Variants in PHLPP1 observed in about 807,000 individuals in gnomAD.
PHLPP1 encodes PH domain and leucine rich repeat protein phosphatase 1.
PHLPP1 carries 42 observed loss-of-function variants against 117.2 expected under a neutral mutation model. The observed-to-expected ratio is 0.36, with a 90% CI of 0.28 to 0.46. The LOEUF is 0.46. Ranked by LOEUF, PHLPP1 falls within the 20% of genes least tolerant of loss-of-function variation. The pLI, the probability that PHLPP1 is intolerant of heterozygous loss-of-function variation, is 1.00. For missense variants in PHLPP1, 2,084 were observed against 2,241.9 expected, an observed-to-expected ratio of 0.93 and a Z score of 1.42; for synonymous variants, 1,042 against 970.7, an observed-to-expected ratio of 1.07 and a Z score of -1.37.
intron 12 of PHLPP1, among the ~76,000 whole-genome samples, chr18:62,954,385 A>T (rs1215301753): frequency 6.6e-6 from 1 of 152,234 alleles, no homozygotes; most frequent in Non-Finnish European, 1.5e-5. Context: ...AGGTACATAT[A>T]TTAACAATAT....
chr18:62,800,774 G>A (rs891090547), intron 1 of PHLPP1, among the ~76,000 whole-genome samples: 20 of 151,968 alleles, frequency 1.3e-4, no homozygotes, highest in African/African-American at 4.6e-4. Flanking sequence ...GAAGCTATTC[G>A]ATGCTGAGCT....
chr18:62,726,524 G>A (rs905030015), intron 1 of PHLPP1, among the ~76,000 whole-genome samples: 1 of 147,634 alleles, frequency 6.8e-6, no homozygotes, highest in Admixed American at 6.7e-5. Flanking sequence ...AAATTTTCTA[G>A]TACTTGTAGT....
At position 62,716,975 on chromosome 18, in the gene PHLPP1, G is replaced by T; in HGVS notation, c.1292G>T (p.Arg431Leu). Residue 431 changes from arginine (R) to leucine (L), a missense_variant, in exon 1 of 17, where the codon CGC (arginine) becomes CTC (leucine). Transcript: ENST00000262719. This position sits in a 1 kb window ranked among gnomAD's most constrained non-coding sequence, Gnocchi z 5.7. Reference sequence around the variant, plus strand: ...ATTGACAGCCCGGGCGGGGCCGTCCGCGAGGGGTCGTGCGAGGAGAAGGCA... The same window carrying T: ...ATTGACAGCCCGGGCGGGGCCGTCCTCGAGGGGTCGTGCGAGGAGAAGGCA... ...RAIDSPGGAV[R>L]EGSCEEKAAA... The T allele has an allele frequency of 6.5e-7, 1 of 1,540,624 alleles. No individual in the cohort carries two copies. Among genetic ancestry groups the T allele is most frequent in the Non-Finnish European group, 8.7e-7 (1 of 1,146,056 alleles).
At chr18:62,766,060 CA>C (rs1168861892) in intron 1 of PHLPP1, among the ~76,000 whole-genome samples, 1,516 of 15,170 alleles carry the variant, frequency 0.1, 169 homozygotes, top group Non-Finnish European at 0.13. Context: ...GACTCCATCT[CA>C]AAAAAAAAAA....
chr18:62,777,747 G>A (rs1024245039), intron 1 of PHLPP1, among the ~76,000 whole-genome samples: 1 of 152,078 alleles, frequency 6.6e-6, no homozygotes, highest in Non-Finnish European at 1.5e-5. Context: ...TTTTAGAAAG[G>A]ACTCATCCCC....
intron 1 of PHLPP1, among the ~76,000 whole-genome samples, chr18:62,761,581 C>T (rs921573099): frequency 3.3e-5 from 5 of 151,164 alleles, no homozygotes; most frequent in Non-Finnish European, 4.4e-5. Flanking sequence ...TGCAGTGAGC[C>T]GAGATCGCGC....
chr18:62,873,863 A>G (rs897770219), intron 4 of PHLPP1, among the ~76,000 whole-genome samples: 1 of 152,218 alleles, frequency 6.6e-6, no homozygotes, highest in African/African-American at 2.4e-5. Context: ...GCATTGAAAT[A>G]AATATGAGCT....
In PHLPP1 at chr18:62,716,236, C is replaced by G; in HGVS notation, c.553C>G (p.Leu185Val). ...GCTGCTTCTGAAGCACCGGCAGACGCTGCAGCTGCAGCCGTCGGACCGGGA... is the reference window on the plus strand; with the variant it reads ...GCTGCTTCTGAAGCACCGGCAGACGGTGCAGCTGCAGCCGTCGGACCGGGA... Reference protein sequence around the residue: ...KTLLLKHRQTLQLQPSDRDWV... With the variant: ...KTLLLKHRQTVQLQPSDRDWV... Residue 185 changes from leucine to valine, a missense_variant, in exon 1 of 17, where the codon CTG (leucine) becomes GTG (valine). Around this residue, in one of 2 missense-constraint regions of PHLPP1, gnomAD observed 719 missense variants for 636.0 expected, o/e 1.13. Transcript: ENST00000262719. This position sits in a 1 kb window ranked among gnomAD's most constrained non-coding sequence, Gnocchi z 5.7. The G allele has an allele frequency of 6.5e-7, 1 of 1,529,546 alleles. No individual in the cohort carries two copies. Among genetic ancestry groups the G allele is most frequent in the Non-Finnish European group, 8.7e-7 (1 of 1,144,240 alleles). The allele number at this position is 1,529,546 out of a possible 1,614,324, so 94.7% of individuals were successfully genotyped here.
chr18:62,948,512 T>A (rs933061365), intron 12 of PHLPP1, among the ~76,000 whole-genome samples: 1 of 152,196 alleles, frequency 6.6e-6, no homozygotes, highest in African/African-American at 2.4e-5. Context: ...CAACTCCTTT[T>A]CAATTTTACT....
chr18:62,924,766 A>C (rs1207959208), intron 10 of PHLPP1, among the ~76,000 whole-genome samples: 1 of 148,178 alleles, frequency 6.7e-6, no homozygotes, highest in Non-Finnish European at 1.5e-5. Context: ...TGAGCCTAGG[A>C]GTTCGAGGCT....
At chr18:62,798,195 T>C (rs546469542) in intron 1 of PHLPP1, among the ~76,000 whole-genome samples, 4 of 152,304 alleles carry the variant, frequency 2.6e-5, no homozygotes, top group South Asian at 2.1e-4. Flanking sequence ...AATTTGCTTT[T>C]CTAACAGGTT....
chr18:62,954,476 G>A (rs894182831), intron 12 of PHLPP1, among the ~76,000 whole-genome samples: 1 of 152,152 alleles, frequency 6.6e-6, no homozygotes, highest in African/African-American at 2.4e-5. Context: ...GCCAACAAGT[G>A]TTTGTGGAGT....
At chr18:62,977,239 A>G (rs936814401) in intron 16 of PHLPP1, among the ~76,000 whole-genome samples, 1 of 152,134 alleles carries the variant, frequency 6.6e-6, no homozygotes, top group African/African-American at 2.4e-5. Context: ...AATCCCAAAT[A>G]AAGGGAAGTG....
rs1053536557 is a variant in PHLPP1 at position 62,716,853 on chromosome 18, C to A, written c.1170C>A (p.Val390=). Residue 390 remains valine, a synonymous_variant, in exon 1 of 17, where the codon GTC becomes GTA. Coordinates refer to ENST00000262719, the MANE Select transcript of PHLPP1 (RefSeq NM_194449.4). The surrounding 1 kb of genome is among the most constrained non-coding windows in gnomAD (Gnocchi z 5.7). ...ACGCAGCCTCGGCCCCGACGGGGGTCCCGGGCCAGCCCCGCCGTCCCGGCC... is the reference window on the plus strand; with the variant it reads ...ACGCAGCCTCGGCCCCGACGGGGGTACCGGGCCAGCCCCGCCGTCCCGGCC... ...EADAASAPTG[V]PGQPRRPGHP... 2 of 1,521,910 alleles carry A rather than the reference C, an allele frequency of 1.3e-6. No individual in the cohort carries two copies. Among genetic ancestry groups the A allele is most frequent in the South Asian group, 2.4e-5 (2 of 82,498 alleles). The allele number at this position is 1,521,910 out of a possible 1,614,324, so 94.3% of individuals were successfully genotyped here.
chr18:62,928,228 T>A (rs1909703293), intron 10 of PHLPP1, among the ~76,000 whole-genome samples: 1 of 152,158 alleles, frequency 6.6e-6, no homozygotes. Context: ...AAAACTTGTG[T>A]GCTTCAAAGG....
rs1213010312 is a variant in PHLPP1, at chr18:62,756,370, G to C, written c.1576+39111G>C. Among the ~76,000 whole-genome samples, 4 of 152,332 alleles carry C rather than the reference G, an allele frequency of 2.6e-5. No homozygotes were observed. In the East Asian group the frequency reaches 5.8e-4, roughly 22 times the overall value. On this transcript the variant is annotated intron_variant, in intron 1 of 16. Transcript: ENST00000262719. ...TAGTCCTGCCATGTGCCCAGAAGGAGAGGAGGCCCACACATTTAGCATGCC... is the reference window on the plus strand; with the variant it reads ...TAGTCCTGCCATGTGCCCAGAAGGACAGGAGGCCCACACATTTAGCATGCC...
chr18:62,905,774 T>C (rs900075011), intron 8 of PHLPP1, among the ~76,000 whole-genome samples: 1 of 152,222 alleles, frequency 6.6e-6, no homozygotes, highest in African/African-American at 2.4e-5. Flanking sequence ...CCTATCAAAA[T>C]AGAAATTCTC....
intron 1 of PHLPP1, among the ~76,000 whole-genome samples, chr18:62,783,398 T>C (rs540059710): frequency 1.8e-3 from 277 of 152,150 alleles, no homozygotes; most frequent in African/African-American, 6.5e-3. Flanking sequence ...TAGCTAACTT[T>C]TTTGTATTTT....
chr18:62,819,192 C>T (rs1914374854), intron 1 of PHLPP1, among the ~76,000 whole-genome samples: 2 of 152,064 alleles, frequency 1.3e-5, no homozygotes, highest in South Asian at 2.1e-4. Context: ...AGGGAAATGG[C>T]AGTGTATTAT....
Sources: allele counts gnomAD v4.1 joint callset (sites outside exome capture counted in the v4.1 genomes callset), GRCh38; gene constraint gnomAD v4.1.1; regional missense constraint gnomAD v4.1.1; non-coding constraint Gnocchi (gnomAD v3.1); transcripts MANE v1.5; gene names NCBI Gene and HGNC (gene_info 2026-07-23, HGNC 2026-07-21).